The following KCMF1 variants were observed in gnomAD, a reference collection of about 807,000 sequenced individuals.
KCMF1 encodes potassium channel modulatory factor 1, also known as E3 ubiquitin-protein ligase KCMF1.
KCMF1 carries 3 observed loss-of-function variants against 41.1 expected under a neutral mutation model. The ratio of observed to expected loss-of-function variants is 0.07; its 90% CI spans 0.03 to 0.19. The LOEUF is 0.19. Ranked by LOEUF, KCMF1 falls within the 10% of genes least tolerant of loss-of-function variation. KCMF1 has a pLI of 1.00. For missense variants in KCMF1, 286 were observed against 488.9 expected, an observed-to-expected ratio of 0.58 and a Z score of 3.91; for synonymous variants, 142 against 164.5, an observed-to-expected ratio of 0.86 and a Z score of 1.04.
Position 85,035,080 on chromosome 2 carries a change from T to C in KCMF1, c.249T>C (p.Cys83=), listed in dbSNP as rs1675374576. 6.2e-7 allele frequency: 1 copy of C among 1,613,310 alleles called. No individual in the cohort carries two copies. The change falls in exon 3 of 7, where the codon TGT becomes TGC. Residue 83 remains cysteine, a synonymous_variant. Transcript: ENST00000409785. Reference sequence around the variant, plus strand: ...CACAGTCTTTTACTTGTCCCTATTGTGGAAAAATGGGCTATACGGAGACAT... The same window carrying C: ...CACAGTCTTTTACTTGTCCCTATTGCGGAAAAATGGGCTATACGGAGACAT... ...EQPQSFTCPY[C]GKMGYTETSL...
At chr2:84,980,700 G>A (rs1025911068) in intron 1 of KCMF1, among the ~76,000 whole-genome samples, 3 of 151,384 alleles carry the variant, frequency 2.0e-5, no homozygotes, top group Non-Finnish European at 4.4e-5. Context: ...GGAGTCCAGT[G>A]ACATAAACAA....
At chr2:85,001,539 G>T (rs1574016484) in intron 1 of KCMF1, among the ~76,000 whole-genome samples, 1 of 152,218 alleles carries the variant, frequency 6.6e-6, no homozygotes, top group African/African-American at 2.4e-5. Flanking sequence ...AAATCCTGTT[G>T]GGATGCTGAA....
chr2:84,978,933 C>T (rs967742340), intron 1 of KCMF1, among the ~76,000 whole-genome samples: 8 of 151,926 alleles, frequency 5.3e-5, no homozygotes, highest in African/African-American at 1.5e-4. Context: ...AGGCTGGTCT[C>T]GAACTCCTGA....
intron 1 of KCMF1, among the ~76,000 whole-genome samples, chr2:85,008,320 T>TGA: frequency 1.5e-5 from 1 of 68,210 alleles, no homozygotes. Context: ...GATATATATA[T>TGA]CATATATAAT....
At chr2:85,039,403 T>C (rs1050965289) in intron 3 of KCMF1, among the ~76,000 whole-genome samples, 1 of 151,992 alleles carries the variant, frequency 6.6e-6, no homozygotes, top group Non-Finnish European at 1.5e-5. Flanking sequence ...TTGATAATTG[T>C]ATGGGGAAAA....
chr2:85,001,682 T>G (rs578029573), intron 1 of KCMF1, among the ~76,000 whole-genome samples: 2 of 152,310 alleles, frequency 1.3e-5, no homozygotes, highest in East Asian at 3.9e-4. Flanking sequence ...CAGAATGTCC[T>G]GTGTGGGTGA....
At chr2:84,975,758 T>C (rs536661214) in intron 1 of KCMF1, among the ~76,000 whole-genome samples, 2 of 152,350 alleles carry the variant, frequency 1.3e-5, no homozygotes, top group East Asian at 3.9e-4. Flanking sequence ...CAAATACATT[T>C]AAAATGTAAG....
intron 3 of KCMF1, among the ~76,000 whole-genome samples, chr2:85,042,481 A>AT (rs368317126): frequency 1.3e-3 from 192 of 152,252 alleles, no homozygotes; most frequent in Non-Finnish European, 2.5e-3. Context: ...AATTGCCTAG[A>AT]TTTTGCCTAA....
chr2:85,012,794 G>A (rs186205309), intron 1 of KCMF1, among the ~76,000 whole-genome samples: 6 of 152,192 alleles, frequency 3.9e-5, no homozygotes, highest in East Asian at 1.9e-4. Flanking sequence ...TTTAAAATCC[G>A]TGAAGAAACT....
rs371819999 is a variant in KCMF1 at position 85,012,620 on chromosome 2, G to A, written c.17-15269G>A. Among the ~76,000 whole-genome samples, 40 of 152,250 alleles carry A rather than the reference G, an allele frequency of 2.6e-4. 1 individual carries two copies. Among genetic ancestry groups the A allele is most frequent in the African/African-American group, 8.9e-4 (37 of 41,550 alleles). ...GTTTACTGTACCTTTCAGCTTGCAT[G>A]TCTTATCACTTCAAACCAAACATGT... On this transcript the variant is annotated intron_variant, in intron 1 of 6. Transcript: ENST00000409785.
At chr2:85,016,702 T>A (rs1210471142) in intron 1 of KCMF1, among the ~76,000 whole-genome samples, 1 of 151,884 alleles carries the variant, frequency 6.6e-6, no homozygotes, top group Non-Finnish European at 1.5e-5. Flanking sequence ...TATCTTTTTT[T>A]TTTTTTTTGA....
intron 1 of KCMF1, among the ~76,000 whole-genome samples, chr2:84,979,996 A>ATTT (rs754834197): frequency 7.4e-6 from 1 of 135,350 alleles, no homozygotes; most frequent in Non-Finnish European, 1.6e-5. Flanking sequence ...CTAATTTTGT[A>ATTT]TTTTTTTTTT....
At chr2:85,019,813 C>G (rs531055688) in intron 1 of KCMF1, among the ~76,000 whole-genome samples, 1 of 150,664 alleles carries the variant, frequency 6.6e-6, no homozygotes, top group Non-Finnish European at 1.5e-5. Flanking sequence ...TGTATATATA[C>G]ATACGTATAT....
At chr2:84,983,863 C>G (rs1406063644) in intron 1 of KCMF1, among the ~76,000 whole-genome samples, 1 of 152,102 alleles carries the variant, frequency 6.6e-6, no homozygotes, top group Non-Finnish European at 1.5e-5. Flanking sequence ...CCAGGCAGGT[C>G]CTGAGCTCCT....
intron 1 of KCMF1, among the ~76,000 whole-genome samples, chr2:85,007,937 A>G (rs1674512538): frequency 6.6e-6 from 1 of 151,774 alleles, no homozygotes; most frequent in Non-Finnish European, 1.5e-5. Flanking sequence ...ATTTTTTTGT[A>G]TTTTTAGTAG....
intron 1 of KCMF1, among the ~76,000 whole-genome samples, chr2:84,984,348 G>A (rs1246598976): frequency 2.0e-5 from 3 of 151,984 alleles, no homozygotes; most frequent in Non-Finnish European, 2.9e-5. Flanking sequence ...CAATTTTCCC[G>A]CCTCAGCCTC....
chr2:85,027,411 C>CT (rs1675135903), intron 1 of KCMF1, among the ~76,000 whole-genome samples: 1 of 118,394 alleles, frequency 8.4e-6, no homozygotes, highest in South Asian at 2.9e-4. Context: ...AAGCCTCACT[C>CT]TGTTGTGAGG....
At chr2:85,012,470 C>T (rs571913803) in intron 1 of KCMF1, among the ~76,000 whole-genome samples, 155 of 152,332 alleles carry the variant, frequency 1.0e-3, no homozygotes, top group African/African-American at 3.7e-3. Flanking sequence ...CCATTTTCCT[C>T]ATTTTATGTT....
intron 1 of KCMF1, among the ~76,000 whole-genome samples, chr2:84,986,098 A>G (rs1574007126): frequency 6.6e-6 from 1 of 152,156 alleles, no homozygotes; most frequent in East Asian, 1.9e-4. Flanking sequence ...GTCACCTCCT[A>G]TTGAAAAACA....
Sources: allele counts gnomAD v4.1 joint callset (sites outside exome capture counted in the v4.1 genomes callset), GRCh38; gene constraint gnomAD v4.1.1; transcripts MANE v1.5; gene names NCBI Gene and HGNC (gene_info 2026-07-23, HGNC 2026-07-21).